Variants in RANGAP1 observed in about 807,000 individuals in gnomAD.
RANGAP1 encodes the protein ran GTPase-activating protein 1.
A neutral mutation model predicts 63.5 loss-of-function variants in RANGAP1; 38 were observed. That is an observed-to-expected ratio of 0.60 (90% confidence interval 0.46 to 0.78). The LOEUF (loss-of-function observed/expected upper bound fraction) is 0.78. Ranked by LOEUF, RANGAP1 falls within the 30% of genes least tolerant of loss-of-function variation. The pLI, the probability that RANGAP1 is intolerant of heterozygous loss-of-function variation, is 0.00. For synonymous variants in RANGAP1, 329 were observed against 310.5 expected, an observed-to-expected ratio of 1.06 and a Z score of -0.63; for missense variants, 630 against 740.3, an observed-to-expected ratio of 0.85 and a Z score of 1.73.
intron 10 of RANGAP1, among the ~76,000 whole-genome samples, chr22:41,255,487 C>T (rs1207375772): frequency 5.3e-5 from 8 of 152,010 alleles, no homozygotes; most frequent in Admixed American, 2.0e-4. Flanking sequence ...CTAGAGTCAG[C>T]GTCTTAAGAA....
intron 12 of RANGAP1, among the ~76,000 whole-genome samples, chr22:41,251,371 A>G (rs2145685778): frequency 6.6e-6 from 1 of 152,232 alleles, no homozygotes; most frequent in East Asian, 1.9e-4. Flanking sequence ...CATGCCTGTA[A>G]CCCCAGCACT....
At chr22:41,268,904 A>T (rs1244820329) in intron 3 of RANGAP1, among the ~76,000 whole-genome samples, 2 of 152,124 alleles carry the variant, frequency 1.3e-5, no homozygotes, top group African/African-American at 4.8e-5. Flanking sequence ...AAAATACAAA[A>T]ATTAGCATAG....
intron 15 of RANGAP1, 80 bp from the exon 16 acceptor site, chr22:41,246,752 A>G: frequency 7.5e-7 from 1 of 1,331,064 alleles, no homozygotes; most frequent in East Asian, 2.5e-5. Context: ...TTGGTGCCAG[A>G]CTCATTTTTG....
At chr22:41,260,877 C>T (rs2034127051) in intron 6 of RANGAP1, among the ~76,000 whole-genome samples, 1 of 152,102 alleles carries the variant, frequency 6.6e-6, no homozygotes, top group Non-Finnish European at 1.5e-5. Flanking sequence ...GAGACAGACC[C>T]CAAAGTTTTC....
chr22:41,267,859 C>G (rs2034573016), intron 4 of RANGAP1, among the ~76,000 whole-genome samples: 3 of 152,128 alleles, frequency 2.0e-5, no homozygotes, highest in Admixed American at 2.0e-4. Context: ...GGTCTCAGCT[C>G]TCCCACCTCC....
chr22:41,251,243 C>A, intron 12 of RANGAP1, 134 bp from the exon 13 acceptor site: 1 of 635,810 alleles, frequency 1.6e-6, no homozygotes. Flanking sequence ...TTACCCCATG[C>A]TGTCCCTTCA....
intron 6 of RANGAP1, 119 bp downstream of exon 6, chr22:41,261,327 C>A (rs182877412): frequency 2.1e-6 from 3 of 1,458,310 alleles, no homozygotes; most frequent in African/African-American, 2.8e-5. Flanking sequence ...GGAGAGGGCA[C>A]GTGACGCCCC....
At chr22:41,261,306 T>A in intron 6 of RANGAP1, 140 bp downstream of exon 6, 1 of 1,317,242 alleles carries the variant, frequency 7.6e-7, no homozygotes, top group Non-Finnish European at 1.0e-6. Flanking sequence ...TTCGGATGGG[T>A]TAACAGGCTT....
At chr22:41,295,086 C>A in the RANGAP1 span, among the ~76,000 whole-genome samples, 85 of 148,266 alleles carry the variant, frequency 5.7e-4, no homozygotes, top group African/African-American at 2.2e-3. Flanking sequence ...GGGGGGTCAG[C>A]CCCCCGCCCG....
rs898381450 is a variant in RANGAP1 at position 41,267,669 on chromosome 22, C to T, written c.300+428G>A. Among the ~76,000 whole-genome samples, 6 of 152,106 alleles carry T rather than the reference C, an allele frequency of 3.9e-5. No homozygotes were observed. In the South Asian group the frequency reaches 6.2e-4, roughly 16 times the overall value. On this transcript the variant is annotated intron_variant, in intron 4 of 15. Transcript: ENST00000356244. ...GCACAAACCAAAGCAGACAGTGGTA[C>T]GGAGAAAGGGAGGAGCCAGAGAAAG...
At chr22:41,249,619 C>T (rs372173366) in intron 14 of RANGAP1, 110 bp downstream of exon 14, 22 of 1,523,888 alleles carry the variant, frequency 1.4e-5, no homozygotes, top group Admixed American at 1.2e-4. Context: ...GCCCCGTGGG[C>T]GAGCCGGCTC....
intron 15 of RANGAP1, among the ~76,000 whole-genome samples, chr22:41,248,382 T>G (rs1041651172): frequency 6.6e-6 from 1 of 152,198 alleles, no homozygotes; most frequent in East Asian, 1.9e-4. Context: ...GGCGGCGCCA[T>G]GCAGACACTG....
chr22:41,251,627 G>GA (rs5845493), intron 12 of RANGAP1, among the ~76,000 whole-genome samples: 12,216 of 112,518 alleles, frequency 0.11, 666 homozygotes, highest in African/African-American at 0.2. Context: ...CATTGTCTCA[G>GA]AAAAAAAAAA....
rs1455553855 is a variant in RANGAP1, at chr22:41,264,649, G to T, written c.480+15C>A. The stretch of plus-strand genomic sequence containing the variant: ...GGACCAGGGGACTCTGCGGGGAGGG[G>T]GCTGCCACACCCACCTTGCCGCCGC... On this transcript the variant is annotated intron_variant, in intron 5 of 15. Coordinates refer to ENST00000356244, the MANE Select transcript of RANGAP1 (RefSeq NM_002883.4). The T allele has an allele frequency of 1.2e-6, 2 of 1,605,830 alleles. No homozygotes were observed.
the RANGAP1 span, among the ~76,000 whole-genome samples, chr22:41,299,620 A>C: frequency 6.6e-6 from 1 of 152,164 alleles, no homozygotes; most frequent in African/African-American, 2.4e-5. Context: ...TGTTTGGCTC[A>C]TAGTAAAGAA....
At chr22:41,291,809 G>A in the RANGAP1 span, among the ~76,000 whole-genome samples, 1 of 151,392 alleles carries the variant, frequency 6.6e-6, no homozygotes, top group Non-Finnish European at 1.5e-5. Context: ...GCTGAGGCAG[G>A]AGAATGGCGT....
chr22:41,254,073 A>C (rs1261205268), intron 11 of RANGAP1, among the ~76,000 whole-genome samples: 1 of 151,032 alleles, frequency 6.6e-6, no homozygotes, highest in Non-Finnish European at 1.5e-5. Flanking sequence ...ACACCACTGC[A>C]CTCCAGCCTG....
intron 11 of RANGAP1, 99 bp downstream of exon 11, chr22:41,254,209 T>A (rs542230567): frequency 7.6e-7 from 1 of 1,320,864 alleles, no homozygotes. Context: ...TTGTGGCTAC[T>A]GTGCTTAAGG....
chr22:41,246,292 C>T lies in RANGAP1; in HGVS notation c.*311G>A, dbSNP rs1225982493. The T allele has an allele frequency of 4.1e-6, 1 of 243,566 alleles. No homozygotes were observed. Among genetic ancestry groups the T allele is most frequent in the Non-Finnish European group, 8.1e-6 (1 of 124,058 alleles). The allele number at this position is 243,566 out of a possible 1,614,324, so 15.1% of individuals were successfully genotyped here. A position where few individuals can be genotyped will look rare whatever the true frequency, so the allele number is the denominator to read the frequency against. On this transcript the variant is annotated 3_prime_UTR_variant, in exon 16 of 16. Transcript: ENST00000356244. ...AGGGCCCAGGCGGAGATCAGCAGAG[C>T]GCCCTCAGGTGGAGGTGAGTTTAAT... is the stretch of plus-strand genomic sequence containing the variant.
Sources: allele counts gnomAD v4.1 joint callset (sites outside exome capture counted in the v4.1 genomes callset), GRCh38; gene constraint gnomAD v4.1.1; transcripts MANE v1.5; gene names NCBI Gene and HGNC (gene_info 2026-07-23, HGNC 2026-07-21).